The following MAPK15 variants were observed in gnomAD, a reference collection of about 807,000 sequenced individuals.
MAPK15 encodes the protein ERK-7.
A neutral mutation model predicts 60.8 loss-of-function variants in MAPK15; 61 were observed. The observed-to-expected ratio is 1.00, with a 90% CI of 0.82 to 1.24. The LOEUF is 1.24. MAPK15 is among the 50% of genes most tolerant of loss of function. The probability of loss-of-function intolerance (pLI) is 0.00; values close to 1 mark genes in which losing one functional copy is unlikely to be tolerated. For synonymous variants in MAPK15, 356 were observed against 319.9 expected, an observed-to-expected ratio of 1.11 and a Z score of -1.21; for missense variants, 808 against 741.1, an observed-to-expected ratio of 1.09 and a Z score of -1.05.
In MAPK15 at chr8:143,721,750, A is replaced by G. The variant is rs201766090; in HGVS notation, c.1330-2A>G. The G allele has an allele frequency of 2.6e-5, 42 of 1,613,466 alleles. No individual in the cohort carries two copies. The highest frequency in any genetic ancestry group is 3.4e-5 in the Non-Finnish European group (40 of 1,179,834). ...GTGACCCTGTGACATGGCCCTTCCC[A>G]GGTGAAGCCAAGCGGGAGGGGAGCT... On this transcript the variant is annotated splice_acceptor_variant, in intron 12 of 13. Transcript: ENST00000338033. LOFTEE classifies it high-confidence loss of function.
chr8:143,721,338 G>A lies in MAPK15; in HGVS notation c.1131G>A (p.Leu377=). Residue 377 remains leucine (L), a synonymous_variant, in exon 11 of 14, where the codon CTG becomes CTA. Coordinates refer to ENST00000338033, the MANE Select transcript of MAPK15 (RefSeq NM_139021.3). ...ACAAACCCAGAGCCGACCCTCAGCT[G>A]CCTTCTAGGACACCTGTGCAGGGTC... is the stretch of plus-strand genomic sequence containing the variant. ...HLHKPRADPQ[L]PSRTPVQGPR... 6.2e-7 allele frequency: 1 copy of A among 1,613,646 alleles called. No individual in the cohort carries two copies. Among genetic ancestry groups the A allele is most frequent in the Non-Finnish European group, 8.5e-7 (1 of 1,179,948 alleles).
chr8:143,718,554 T>C (rs1817903017), intron 4 of MAPK15: 3 of 629,658 alleles, frequency 4.8e-6, no homozygotes, highest in Non-Finnish European at 8.4e-6. Flanking sequence ...TTCTCCTTTT[T>C]CTTCTCATTT....
At chr8:143,717,964 A>C in intron 2 of MAPK15, 83 bp from the exon 3 acceptor site, 1 of 1,589,588 alleles carries the variant, frequency 6.3e-7, no homozygotes, top group East Asian at 2.2e-5. Context: ...TGGGTGACAG[A>C]CATCAGCTCC....
chr8:143,719,640 G>A (rs1399863793), intron 7 of MAPK15, among the ~76,000 whole-genome samples, 158 bp downstream of exon 7: 2 of 152,148 alleles, frequency 1.3e-5, no homozygotes, highest in Non-Finnish European at 2.9e-5. Flanking sequence ...AGACCGACTG[G>A]TGATGGGGGC....
chr8:143,718,744 C>A, intron 4 of MAPK15, 31 bp from the exon 5 acceptor site: 1 of 1,455,838 alleles, frequency 6.9e-7, no homozygotes, highest in Non-Finnish European at 9.2e-7. Flanking sequence ...CAGCCCCCCA[C>A]CCCCGACTGC....
rs1355038243 is a variant in MAPK15, at chr8:143,719,128, G to A, written c.553G>A (p.Ala185Thr). Reference sequence around the variant, plus strand: ...GTACGTGGCCACACGCTGGTACCGAGCACCGGAGGTGCTGCTCTCTTCGCA... The same window carrying A: ...GTACGTGGCCACACGCTGGTACCGAACACCGGAGGTGCTGCTCTCTTCGCA... ...TEYVATRWYR[A>T]PEVLLSSHRY... The change falls in exon 6 of 14, where the codon GCA (alanine) becomes ACA (threonine). Residue 185 changes from alanine (A) to threonine (T), a missense_variant. Coordinates refer to ENST00000338033, the MANE Select transcript of MAPK15 (RefSeq NM_139021.3). The A allele has an allele frequency of 6.4e-7, 1 of 1,555,852 alleles. No individual in the cohort carries two copies. The highest frequency in any genetic ancestry group is 8.7e-7 in the Non-Finnish European group (1 of 1,150,420).
rs782212089 is a variant in MAPK15 at position 143,721,551 on chromosome 8, TC to T, written c.1213del (p.Arg405ValfsTer20). The T allele has an allele frequency of 2.2e-5, 35 of 1,612,846 alleles. No homozygotes were observed. Among genetic ancestry groups the T allele is most frequent in the Non-Finnish European group, 3.0e-5 (35 of 1,179,626 alleles). ...GGGTTGACCCACTGACCCCACAGAG[TC>T]CCCCCGTGCAGCCAAGAACGTTCCC... is the stretch of plus-strand genomic sequence containing the variant. ...SPGHDPAEHESPRAAKNVPRQ... is the reference protein window; with the variant it reads ...SPGHDPAEHEXPRAAKNVPRQ... On this transcript the variant is annotated frameshift_variant, in exon 12 of 14. Coordinates refer to ENST00000338033, the MANE Select transcript of MAPK15 (RefSeq NM_139021.3). LOFTEE classifies it high-confidence loss of function.
chr8:143,722,220 A>G lies in MAPK15; in HGVS notation c.1604A>G (p.His535Arg), dbSNP rs781927819. The G allele has an allele frequency of 1.3e-6, 2 of 1,598,280 alleles. No individual in the cohort carries two copies. Among genetic ancestry groups the G allele is most frequent in the South Asian group, 2.2e-5 (2 of 89,790 alleles). The change falls in exon 14 of 14, where the codon CAC (histidine) becomes CGC (arginine). Residue 535 changes from histidine (H) to arginine (R), a missense_variant. By Grantham distance (29) the His-to-Arg change is conservative. Coordinates refer to ENST00000338033, the MANE Select transcript of MAPK15 (RefSeq NM_139021.3). The part of the protein sequence containing the change: ...YGTVCHSALG[H>R]LPLLEGHHV ...ACTGTCTGCCACTCGGCACTGGGCC[A>G]CCTGCCCCTGCTGGAGGGGCACCAT...
rs1554619239 is a variant in MAPK15 at position 143,719,350 on chromosome 8, C to T, written c.589C>T (p.Leu197Phe). Residue 197 changes from leucine (L) to phenylalanine (F), a missense_variant, in exon 7 of 14, where the codon CTT (leucine) becomes TTT (phenylalanine). By Grantham distance (22) the Leu-to-Phe change is conservative (BLOSUM62 0). Transcript: ENST00000338033. ...EVLLSSHRYT[L>F]GVDMWSLGCI... ...CACCGCTTCCTGCCCCAGATACACC[C>T]TTGGGGTGGACATGTGGAGTCTGGG... The T allele has an allele frequency of 1.9e-6, 3 of 1,607,098 alleles. No individual in the cohort carries two copies. The highest frequency in any genetic ancestry group is 2.7e-5 in the African/African-American group (2 of 74,766).
intron 2 of MAPK15, 49 bp from the exon 3 acceptor site, chr8:143,717,998 C>T (rs1442883049): frequency 1.9e-5 from 30 of 1,613,026 alleles, no homozygotes; most frequent in Non-Finnish European, 2.5e-5. Context: ...AGGACATGGG[C>T]TTCCTTCTTG....
intron 1 of MAPK15, among the ~76,000 whole-genome samples, chr8:143,716,904 G>T (rs545028842): frequency 5.9e-5 from 9 of 152,226 alleles, no homozygotes; most frequent in Admixed American, 1.3e-4. Context: ...ATCTGTGTGT[G>T]TGTGTGAGCA....
rs781867379 is a variant in MAPK15, at chr8:143,720,232, C to G, written c.724C>G (p.Leu242Val). Residue 242 changes from leucine to valine, a missense_variant and splice_region_variant, in exon 8 of 14, where the codon CTC becomes GTC. Leu to Val is a conservative substitution (Grantham distance 32, BLOSUM62 1). Coordinates refer to ENST00000338033, the MANE Select transcript of MAPK15 (RefSeq NM_139021.3). The surrounding 1 kb of genome is among the most constrained non-coding windows in gnomAD (Gnocchi z 4.6). ...ETIPPPSEED[L>V]LALGSGCRAS... Reference sequence around the variant, plus strand: ...CACACCACCTTCTGCTGCCCCAGACCTCCTGGCTCTCGGCTCAGGCTGCCG... The same window carrying G: ...CACACCACCTTCTGCTGCCCCAGACGTCCTGGCTCTCGGCTCAGGCTGCCG... 3.2e-6 allele frequency: 5 copies of G among 1,576,436 alleles called. No individual in the cohort carries two copies. The highest frequency in any genetic ancestry group is 1.7e-4 in the Middle Eastern group (1 of 6,010).
rs782055425 is a variant in MAPK15 at position 143,720,822 on chromosome 8, A to G, written c.899A>G (p.Gln300Arg). The change falls in exon 9 of 14, where the codon CAG becomes CGG. Residue 300 changes from glutamine to arginine, a missense_variant. Physicochemically the swap from Gln to Arg is conservative, Grantham distance 43. Coordinates refer to ENST00000338033, the MANE Select transcript of MAPK15 (RefSeq NM_139021.3). The surrounding 1 kb of genome is among the most constrained non-coding windows in gnomAD (Gnocchi z 4.6). The stretch of plus-strand genomic sequence containing the variant: ...CGGTTAAGCGCGACCCAGGCACTGC[A>G]GCACCCCTACGTGCAGAGGTGGGGG... ...DKRLSATQAL[Q>R]HPYVQRFHCP... 2 of 1,613,084 alleles carry G rather than the reference A, an allele frequency of 1.2e-6. No individual in the cohort carries two copies. The highest frequency in any genetic ancestry group is 1.7e-5 in the Admixed American group (1 of 59,998).
At chr8:143,716,568 G>A (rs1431958795) in intron 1 of MAPK15, 125 bp downstream of exon 1, 6 of 798,312 alleles carry the variant, frequency 7.5e-6, no homozygotes, top group African/African-American at 7.3e-5. Flanking sequence ...TGCCTCCTCC[G>A]TAGGCGGGAG....
chr8:143,721,432 G>T, intron 11 of MAPK15, 21 bp downstream of exon 11: 1 of 1,608,214 alleles, frequency 6.2e-7, no homozygotes, highest in Non-Finnish European at 8.5e-7. Flanking sequence ...TTTGCTGGCC[G>T]CCCACGCGGA....
At chr8:143,718,727 G>GGCCCCCC in intron 4 of MAPK15, 48 bp from the exon 5 acceptor site, 12 of 514,484 alleles carry the variant, frequency 2.3e-5, no homozygotes, top group South Asian at 8.2e-5. Flanking sequence ...CCCCCAGGTT[G>GGCCCCCC]CCCCCCCAGC....
Position 143,720,869 on chromosome 8 carries a change from CG to C in MAPK15, c.917+35del. The C allele has an allele frequency of 6.2e-7, 1 of 1,603,854 alleles. No homozygotes were observed. On this transcript the variant is annotated intron_variant, in intron 9 of 13. Transcript: ENST00000338033. This position sits in a 1 kb window ranked among gnomAD's most constrained non-coding sequence, Gnocchi z 4.6. ...GGGGTGGGAGAGAGTCCCCCAAGTG[CG>C]GGGGGACAGAGGTGGGGGCAGGAGA...
Position 143,720,587 on chromosome 8 carries a change from C to G in MAPK15, c.780-116C>G. 8 of 1,499,414 alleles carry G rather than the reference C, an allele frequency of 5.3e-6. No individual in the cohort carries two copies. Among genetic ancestry groups the G allele is most frequent in the Non-Finnish European group, 7.1e-6 (8 of 1,120,348 alleles). 92.9% of individuals were successfully genotyped at this position (1,499,414 alleles called of 1,614,324 possible). On this transcript the variant is annotated intron_variant, in intron 8 of 13. Transcript: ENST00000338033. The surrounding 1 kb of genome is among the most constrained non-coding windows in gnomAD (Gnocchi z 4.6). ...TGCAGGTCAGGCACAGGGGCATCTA[C>G]CTAGACAGGACAGCAGGGTGGACCC...
intron 1 of MAPK15, 120 bp downstream of exon 1, chr8:143,716,563 C>G (rs1817819230): frequency 1.2e-6 from 1 of 834,122 alleles, no homozygotes; most frequent in Non-Finnish European, 1.8e-6. Context: ...CGTCCTGCCT[C>G]CTCCGTAGGC....
Sources: gnomAD v4.1 joint callset for allele counts (sites outside exome capture counted in the v4.1 genomes callset) on GRCh38, gnomAD v4.1.1 for gene constraint, Gnocchi (gnomAD v3.1) non-coding constraint, MANE v1.5 for transcripts, NCBI Gene and HGNC (gene_info 2026-07-23, HGNC 2026-07-21) for gene names.